The following AGBL1 variants were observed in gnomAD, a reference collection of about 807,000 sequenced individuals.
AGBL1 encodes the protein AGBL carboxypeptidase 1, also known as cytosolic carboxypeptidase 4.
Under a neutral mutation model 118.9 loss-of-function variants are expected in AGBL1, and 130 were observed. The ratio of observed to expected loss-of-function variants is 1.09; its 90% CI spans 0.95 to 1.26. The LOEUF is 1.26. Among genes scored for constraint, AGBL1 ranks in the 50% most tolerant of loss-of-function variants. AGBL1 has a pLI of 0.00. For synonymous variants in AGBL1, 555 were observed against 478.9 expected, an observed-to-expected ratio of 1.16 and a Z score of -2.08; for missense variants, 1,584 against 1,298.1, an observed-to-expected ratio of 1.22 and a Z score of -3.38.
chr15:86,515,444 G>C (rs186287065), intron 18 of AGBL1, among the ~76,000 whole-genome samples: 1 of 152,110 alleles, frequency 6.6e-6, no homozygotes, highest in Admixed American at 6.5e-5. Flanking sequence ...GTCTTTATCA[G>C]GAGTGGGTGT....
In AGBL1 at chr15:86,541,593, C is replaced by CAA. The variant is rs34178328; in HGVS notation, c.2686-4386_2686-4385dup. Among the ~76,000 whole-genome samples, 165 of 58,210 alleles carry CAA rather than the reference C, an allele frequency of 2.8e-3. 2 individuals are homozygous for CAA. Among genetic ancestry groups the CAA allele is most frequent in the African/African-American group, 7.0e-3 (100 of 14,354 alleles). 38.2% of individuals were successfully genotyped at this position (58,210 alleles called of 152,430 possible). A position where few individuals can be genotyped will look rare whatever the true frequency, so the allele number is the denominator to read the frequency against. On this transcript the variant is annotated intron_variant, in intron 19 of 22. Coordinates refer to ENST00000614907, the MANE Select transcript of AGBL1 (RefSeq NM_001386094.1). ...TGGGTGAAAGAGTGAGACTATGTCT[C>CAA]AAAAAAAAAAAAAAAAAAAAAAAAG...
intron 22 of AGBL1, among the ~76,000 whole-genome samples, chr15:86,776,750 ATGTGTG>A (rs10570012): frequency 0.043 from 6,070 of 139,660 alleles, 452 homozygotes; most frequent in African/African-American, 0.15. Flanking sequence ...ATATATATAT[ATGTGTG>A]TGTGTGTGTG....
intron 22 of AGBL1, among the ~76,000 whole-genome samples, chr15:86,900,846 A>C (rs982680552): frequency 3.9e-5 from 6 of 152,186 alleles, no homozygotes; most frequent in African/African-American, 1.2e-4. Flanking sequence ...GCTACCCTTC[A>C]GCACTTGCAA....
At chr15:87,015,037 A>ATGGAACAAACAGGT (rs2141789606) in intron 24 of AGBL1, among the ~76,000 whole-genome samples, 1 of 152,236 alleles carries the variant, frequency 6.6e-6, no homozygotes, top group African/African-American at 2.4e-5. Context: ...TGGGGCCCTG[A>ATGGAACAAACAGGT]TGGAACAAAC....
chr15:86,231,939 G>A (rs2078462621), intron 6 of AGBL1, among the ~76,000 whole-genome samples: 1 of 152,258 alleles, frequency 6.6e-6, no homozygotes, highest in Admixed American at 6.5e-5. Flanking sequence ...TCCATGCCTT[G>A]TAGGCATCTG....
rs562668317 is a variant in AGBL1, at chr15:86,555,643, A to G, written c.2994+1106A>G. 2.0e-5 allele frequency among the ~76,000 whole-genome samples: 3 copies of G among 152,356 alleles called. No individual in the cohort carries two copies. In the South Asian group the frequency reaches 6.2e-4, roughly 32 times the overall value. ...TCACCCACATTAATGTAAAAGAAGA[A>G]TAAGAAGAGCTGAAATCATTGGATG... On this transcript the variant is annotated intron_variant, in intron 21 of 22. Coordinates refer to ENST00000614907, the MANE Select transcript of AGBL1 (RefSeq NM_001386094.1).
chr15:86,960,108 A>G, intron 23 of AGBL1, among the ~76,000 whole-genome samples: 1 of 152,148 alleles, frequency 6.6e-6, no homozygotes, highest in South Asian at 2.1e-4. Flanking sequence ...AAAACAAATG[A>G]AAATGTAACA....
chr15:86,845,754 G>A (rs1056706966), intron 22 of AGBL1, among the ~76,000 whole-genome samples: 1 of 152,058 alleles, frequency 6.6e-6, no homozygotes, highest in Non-Finnish European at 1.5e-5. Flanking sequence ...TTCTTTACTT[G>A]TTATAGATAT....
At chr15:86,931,576 TGCTGCTGCTGCTGCTGCTGC>T (rs2080605033) in intron 23 of AGBL1, among the ~76,000 whole-genome samples, 1 of 21,116 alleles carries the variant, frequency 4.7e-5, no homozygotes, top group Non-Finnish European at 1.3e-4. Flanking sequence ...TTGCTGCTGC[TGCTGCTGCTGCTGCTGCTGC>T]TGCTGCTGCT....
At chr15:86,953,272 T>C (rs576886016) in intron 23 of AGBL1, among the ~76,000 whole-genome samples, 1 of 152,308 alleles carries the variant, frequency 6.6e-6, no homozygotes, top group South Asian at 2.1e-4. Flanking sequence ...CCATTTTAAC[T>C]ATATTGATTC....
At chr15:86,625,374 T>TTTTTTTTC (rs2084869420) in intron 21 of AGBL1, among the ~76,000 whole-genome samples, 1 of 47,240 alleles carries the variant, frequency 2.1e-5, no homozygotes, top group Non-Finnish European at 4.0e-5. Context: ...CGTTTTTTTT[T>TTTTTTTTC]TTTTGTTTTT....
chr15:86,894,089 T>A (rs535083027), intron 22 of AGBL1, among the ~76,000 whole-genome samples: 1 of 152,322 alleles, frequency 6.6e-6, no homozygotes, highest in Non-Finnish European at 1.5e-5. Context: ...CACTTTTGAA[T>A]GTGTGTTTAC....
chr15:86,693,308 G>A (rs1303655464), intron 22 of AGBL1, among the ~76,000 whole-genome samples: 2 of 151,970 alleles, frequency 1.3e-5, no homozygotes, highest in African/African-American at 2.4e-5. Context: ...CAGGAGTAAA[G>A]TGGTATCACA....
In AGBL1 at chr15:86,643,625, A is replaced by G. The variant is rs935772040; in HGVS notation, c.2995-30648A>G. On this transcript the variant is annotated intron_variant, in intron 21 of 22. Coordinates refer to ENST00000614907, the MANE Select transcript of AGBL1 (RefSeq NM_001386094.1). The stretch of plus-strand genomic sequence containing the variant: ...ACTGATTATTGGATTTACTTACTCT[A>G]TCTGCTGGTTTACATATTTTTCAGT... Among the ~76,000 whole-genome samples the G allele has an allele frequency of 2.0e-5, 3 of 152,056 alleles. No homozygotes were observed. The South Asian group carries it at 6.2e-4, about 32-fold the overall frequency.
chr15:86,166,562 T>C (rs746549653), intron 5 of AGBL1, among the ~76,000 whole-genome samples: 6 of 152,168 alleles, frequency 3.9e-5, no homozygotes, highest in Non-Finnish European at 8.8e-5. Context: ...CCAGGGGGGC[T>C]CTAGTCCCTG....
intron 17 of AGBL1, among the ~76,000 whole-genome samples, chr15:86,352,135 C>T (rs759940305): frequency 2.0e-4 from 30 of 152,158 alleles, no homozygotes; most frequent in Admixed American, 6.5e-4. Flanking sequence ...GACTGGAGTT[C>T]CTGGTTCTTA....
At chr15:86,216,522 A>G (rs544655774) in intron 5 of AGBL1, among the ~76,000 whole-genome samples, 1 of 152,096 alleles carries the variant, frequency 6.6e-6, no homozygotes, top group Non-Finnish European at 1.5e-5. Context: ...ATGATCAGGT[A>G]TTTTCAAATT....
chr15:86,958,278 G>A (rs907957242), intron 23 of AGBL1, among the ~76,000 whole-genome samples: 3 of 151,666 alleles, frequency 2.0e-5, no homozygotes, highest in Non-Finnish European at 4.4e-5. Context: ...TGTATTAATG[G>A]AATATTCAAC....
chr15:86,195,647 C>G (rs2077789892), intron 5 of AGBL1, among the ~76,000 whole-genome samples: 1 of 152,132 alleles, frequency 6.6e-6, no homozygotes, highest in Non-Finnish European at 1.5e-5. Context: ...GGTGGGAAAT[C>G]CAGCATCCTG....
Sources: gnomAD v4.1 joint callset for allele counts (sites outside exome capture counted in the v4.1 genomes callset) on GRCh38, gnomAD v4.1.1 for gene constraint, MANE v1.5 for transcripts, NCBI Gene and HGNC (gene_info 2026-07-23, HGNC 2026-07-21) for gene names.